Variants in NEBL observed in about 807,000 individuals in gnomAD.
NEBL encodes nebulette.
A neutral mutation model predicts 140.2 loss-of-function variants in NEBL; 122 were observed. That is an observed-to-expected ratio of 0.87 (90% CI 0.75 to 1.01). The LOEUF is 1.01. Ranked by LOEUF, NEBL falls within the 50% of genes least tolerant of loss-of-function variation. NEBL has a pLI of 0.00. For synonymous variants in NEBL, 436 were observed against 398.9 expected (o/e 1.09, Z -1.11); for missense variants, 1,365 against 1,231.3 (o/e 1.11, Z -1.62).
rs142461920 is a variant in NEBL, at chr10:20,897,239, T to G, written c.-34A>C. ...TTTAAAATATTTATATTTTTAAAATTTACTCATGTGGCGTCCTTTTCCATA... is the reference window on the plus strand; with the variant it reads ...TTTAAAATATTTATATTTTTAAAATGTACTCATGTGGCGTCCTTTTCCATA... On this transcript the variant is annotated 5_prime_UTR_variant, in exon 1 of 28. Coordinates refer to ENST00000377122, the MANE Select transcript of NEBL (RefSeq NM_006393.3). 80 of 1,538,012 alleles carry G rather than the reference T, an allele frequency of 5.2e-5. 1 individual carries two copies. The African/African-American group carries it at 8.8e-4, about 17-fold the overall frequency.
chr10:20,850,990 T>C (rs562501922), intron 10 of NEBL, among the ~76,000 whole-genome samples: 23 of 152,360 alleles, frequency 1.5e-4, no homozygotes, highest in African/African-American at 5.5e-4. Flanking sequence ...TCATAGACAC[T>C]GAGTAAAACA....
At chr10:20,993,405 A>G (rs559926113) in intron 3 of NEBL, among the ~76,000 whole-genome samples, 52 of 152,232 alleles carry the variant, frequency 3.4e-4, no homozygotes, top group Admixed American at 1.4e-3. Flanking sequence ...TTTTTAACAT[A>G]TGTACACATA....
intron 2 of NEBL, chr10:21,146,247 C>T (rs1345751664): frequency 4.1e-6 from 4 of 979,904 alleles, no homozygotes; most frequent in Non-Finnish European, 6.2e-6. Flanking sequence ...ACCCCTCTTA[C>T]AGCTGCACGT....
intron 5 of NEBL, among the ~76,000 whole-genome samples, chr10:20,873,437 T>C (rs1434803069): frequency 5.9e-5 from 9 of 151,438 alleles, no homozygotes; most frequent in Non-Finnish European, 1.2e-4. Flanking sequence ...CCCTACTCTG[T>C]CCTCAGATCA....
intron 21 of NEBL, among the ~76,000 whole-genome samples, chr10:20,817,055 T>C (rs1838788919): frequency 6.6e-6 from 1 of 151,986 alleles, no homozygotes; most frequent in Non-Finnish European, 1.5e-5. Flanking sequence ...ATCAGCTAGA[T>C]GACAAGATAG....
Position 21,173,423 on chromosome 10 carries a change from G to T in NEBL, c.69+342C>A, listed in dbSNP as rs1291801030. Among the ~76,000 whole-genome samples, 1 of 151,936 alleles carries T rather than the reference G, an allele frequency of 6.6e-6. No homozygotes were observed. Among genetic ancestry groups the T allele is most frequent in the East Asian group, 2.0e-4 (1 of 5,102 alleles). ...GGGGTATTGTGGAACACGAGTGGAG[G>T]TGGAGGGGGCGCGGCTCGCCGAAGT... is the stretch of plus-strand genomic sequence containing the variant. On this transcript the variant is annotated intron_variant, in intron 1 of 6. Coordinates refer to the NEBL transcript ENST00000417816. This position sits in a 1 kb window ranked among gnomAD's most constrained non-coding sequence, Gnocchi z 5.7.
At chr10:20,928,281 G>A (rs1166094789) in intron 4 of NEBL, among the ~76,000 whole-genome samples, 2 of 152,170 alleles carry the variant, frequency 1.3e-5, no homozygotes, top group Admixed American at 1.3e-4. Context: ...GTAAAATTAA[G>A]TGTTCAATTT....
In NEBL at chr10:20,870,208, C is replaced by A. The variant is rs1011802338; in HGVS notation, c.481-367G>T. ...TGGGCATGGTGTGTGCGCCTGTAAT[C>A]CCAGCTACTCGGGAGGCTGAGGAAG... On this transcript the variant is annotated intron_variant, in intron 5 of 27. Coordinates refer to ENST00000377122, the MANE Select transcript of NEBL (RefSeq NM_006393.3). Among the ~76,000 whole-genome samples, 3 of 151,564 alleles carry A rather than the reference C, an allele frequency of 2.0e-5. No homozygotes were observed. In the East Asian group the frequency reaches 5.8e-4, roughly 29 times the overall value.
chr10:21,206,667 A>C, intron 3 of NEBL, among the ~76,000 whole-genome samples: 1 of 152,224 alleles, frequency 6.6e-6, no homozygotes, highest in Non-Finnish European at 1.5e-5. Context: ...CCTCAAATCT[A>C]TCTCACCAAG....
chr10:21,099,425 T>C (rs951306363), intron 2 of NEBL, among the ~76,000 whole-genome samples: 3 of 152,196 alleles, frequency 2.0e-5, no homozygotes, highest in Admixed American at 6.5e-5. Flanking sequence ...TCCTGCCATC[T>C]GGAGTCGGTT....
chr10:20,900,929 G>C (rs1395937956), upstream of NEBL, among the ~76,000 whole-genome samples: 1 of 150,152 alleles, frequency 6.7e-6, no homozygotes, highest in African/African-American at 2.5e-5. Flanking sequence ...CGAGGCAGGA[G>C]AATCACTTGA....
chr10:21,000,399 T>TC (rs1018022327), intron 3 of NEBL, among the ~76,000 whole-genome samples: 17 of 151,906 alleles, frequency 1.1e-4, no homozygotes, highest in Non-Finnish European at 1.8e-4. Flanking sequence ...GGGATTCTGG[T>TC]CCCCCCATTA....
At chr10:21,097,225 G>A (rs867621680) in intron 2 of NEBL, among the ~76,000 whole-genome samples, 13 of 149,142 alleles carry the variant, frequency 8.7e-5, no homozygotes, top group African/African-American at 1.3e-4. Flanking sequence ...GGTCCGGGGG[G>A]GGGGTGGGGC....
intron 2 of NEBL, among the ~76,000 whole-genome samples, chr10:21,045,064 T>C (rs916945790): frequency 6.6e-6 from 1 of 152,220 alleles, no homozygotes; most frequent in Non-Finnish European, 1.5e-5. Flanking sequence ...AAATTCAGCC[T>C]TTTTTCTTCA....
chr10:21,235,316 T>G (rs1263712630), intron 3 of NEBL, among the ~76,000 whole-genome samples: 6 of 151,706 alleles, frequency 4.0e-5, no homozygotes. Context: ...ATCCAAATGT[T>G]AAAAAATCCA....
chr10:21,045,411 G>A (rs1215990101), intron 2 of NEBL, among the ~76,000 whole-genome samples: 1 of 152,146 alleles, frequency 6.6e-6, no homozygotes, highest in Non-Finnish European at 1.5e-5. Flanking sequence ...AAATGTCATT[G>A]ACTCCAGTGC....
chr10:21,090,412 A>C (rs910185298), intron 2 of NEBL, among the ~76,000 whole-genome samples: 6 of 152,216 alleles, frequency 3.9e-5, no homozygotes, highest in African/African-American at 9.6e-5. Flanking sequence ...CACAGCATTT[A>C]CATTGTATTA....
intron 3 of NEBL, among the ~76,000 whole-genome samples, chr10:21,222,270 G>T (rs1249281246): frequency 6.7e-6 from 1 of 149,116 alleles, no homozygotes; most frequent in Non-Finnish European, 1.5e-5. Flanking sequence ...AACACAGTGA[G>T]ACCCTGTCTC....
intron 7 of NEBL, among the ~76,000 whole-genome samples, chr10:20,860,125 T>A (rs1178961540): frequency 6.6e-6 from 1 of 152,106 alleles, no homozygotes; most frequent in Non-Finnish European, 1.5e-5. Flanking sequence ...ATTTCTATAA[T>A]CTATGATCAG....
Sources: allele counts gnomAD v4.1 joint callset (sites outside exome capture counted in the v4.1 genomes callset), GRCh38; gene constraint gnomAD v4.1.1; non-coding constraint Gnocchi (gnomAD v3.1); transcripts MANE v1.5; gene names NCBI Gene and HGNC (gene_info 2026-07-23, HGNC 2026-07-21).